The following CALCOCO1 variants were observed in gnomAD, a reference collection of about 807,000 sequenced individuals.
CALCOCO1 encodes the protein calcium binding and coiled-coil domain 1.
Under a neutral mutation model 86.3 loss-of-function variants are expected in CALCOCO1, and 44 were observed. The ratio of observed to expected loss-of-function variants is 0.51; its 90% CI spans 0.40 to 0.66. The LOEUF is 0.66. Ranked by LOEUF, CALCOCO1 falls within the 30% of genes least tolerant of loss-of-function variation. CALCOCO1 has a pLI of 0.00. For missense variants in CALCOCO1, 708 were observed against 851.1 expected, an observed-to-expected ratio of 0.83 and a Z score of 2.09; for synonymous variants, 297 against 327.6, an observed-to-expected ratio of 0.91 and a Z score of 1.01.
intron 1 of CALCOCO1, 126 bp downstream of exon 1, chr12:53,727,278 G>A (rs1389782698): frequency 1.3e-5 from 2 of 152,216 alleles, no homozygotes; most frequent in African/African-American, 4.8e-5. Context: ...AGTACGGAAA[G>A]GGTTACAACC....
chr12:53,714,220 T>C lies in CALCOCO1; in HGVS notation c.1504A>G (p.Lys502Glu), dbSNP rs1302126143. ...ACCTTCTCCAGGCGGGCCTCTAGCTTTCTCATGTACTCTAGCAATTCCTGG... is the reference window on the plus strand; with the variant it reads ...ACCTTCTCCAGGCGGGCCTCTAGCTCTCTCATGTACTCTAGCAATTCCTGG... ...EKQELLEYMRKLEARLEKVAD... is the reference protein window; with the variant it reads ...EKQELLEYMRELEARLEKVAD... The change falls in exon 12 of 15, where the codon AAG (lysine) becomes GAG (glutamate). Residue 502 changes from lysine (K) to glutamate (E), a missense_variant. Coordinates refer to ENST00000550804, the MANE Select transcript of CALCOCO1 (RefSeq NM_020898.3). 6.2e-7 allele frequency: 1 copy of C among 1,613,424 alleles called. No individual in the cohort carries two copies. Among genetic ancestry groups the C allele is most frequent in the African/African-American group, 1.3e-5 (1 of 74,870 alleles).
intron 13 of CALCOCO1, 31 bp from the exon 14 acceptor site, chr12:53,713,237 G>C (rs1040229688): frequency 1.3e-6 from 2 of 1,589,744 alleles, no homozygotes; most frequent in Admixed American, 3.3e-5. Context: ...GTTGGGCTTT[G>C]GGGTGGTGTC....
Position 53,712,097 on chromosome 12 carries a change from T to C in CALCOCO1, c.1923A>G (p.Ser641=). 1 of 1,607,424 alleles carries C rather than the reference T, an allele frequency of 6.2e-7. No individual in the cohort carries two copies. The highest frequency in any genetic ancestry group is 2.2e-5 in the East Asian group (1 of 44,744). ...TGGCAGGGCCCCCAGTGCTGGTTTC[T>C]GACAGGGTACCCACTGTAAAGCCAC... The part of the protein sequence containing the change: ...MASGFTVGTL[S]ETSTGGPATP... The change falls in exon 15 of 15, where the codon TCA becomes TCG. Residue 641 remains serine (S), a synonymous_variant. Coordinates refer to ENST00000550804, the MANE Select transcript of CALCOCO1 (RefSeq NM_020898.3).
intron 4 of CALCOCO1, 111 bp downstream of exon 4, chr12:53,723,482 G>T (rs930671507): frequency 8.2e-6 from 9 of 1,097,360 alleles, no homozygotes; most frequent in Non-Finnish European, 1.1e-5. Context: ...AACTTTCAAC[G>T]AGGTCTTTAG....
intron 6 of CALCOCO1, among the ~76,000 whole-genome samples, chr12:53,720,677 GT>G (rs1215502840): frequency 3.3e-5 from 5 of 152,162 alleles, no homozygotes; most frequent in Non-Finnish European, 5.9e-5. Context: ...CTTTTAAACA[GT>G]TTTTTAAAAT....
intron 4 of CALCOCO1, 168 bp downstream of exon 4, chr12:53,723,425 G>T (rs1945933523): frequency 1.5e-6 from 1 of 664,214 alleles, no homozygotes; most frequent in African/African-American, 1.8e-5. Flanking sequence ...ACATGTTCGT[G>T]TATGTCTATG....
chr12:53,724,282 G>A, intron 3 of CALCOCO1: 1 of 376,538 alleles, frequency 2.7e-6, no homozygotes, highest in South Asian at 2.0e-5. Flanking sequence ...GGGAGGTTAT[G>A]TAATTTGCCC....
intron 4 of CALCOCO1, chr12:53,722,943 C>CAAAAAAAAAAAAAAAAA (rs58897806): frequency 5.5e-4 from 106 of 194,412 alleles, no homozygotes; most frequent in East Asian, 1.7e-3. Context: ...AAGGCTGTCT[C>CAAAAAAAAAAAAAAAAA]AAAAAAAAAA....
rs771742993 is a variant in CALCOCO1, at chr12:53,712,787, G to A, written c.1898+313C>T. On this transcript the variant is annotated intron_variant, in intron 14 of 14. Coordinates refer to ENST00000550804, the MANE Select transcript of CALCOCO1 (RefSeq NM_020898.3). ...CCTAGGTACCTACCTGGTGGTTGGG[G>A]AAGGGGTAGAGGCAGGAGAGAGGGG... 4.4e-6 allele frequency: 6 copies of A among 1,357,784 alleles called. No individual in the cohort carries two copies. The East Asian group carries it at 2.0e-4, about 46-fold the overall frequency. The allele number at this position is 1,357,784 out of a possible 1,614,324, so 84.1% of individuals were successfully genotyped here.
chr12:53,721,029 G>A (rs917895000), intron 6 of CALCOCO1, among the ~76,000 whole-genome samples: 2 of 152,196 alleles, frequency 1.3e-5, no homozygotes, highest in South Asian at 4.1e-4. Flanking sequence ...AAGAGTTTAT[G>A]ATTTGCATCT....
Position 53,718,899 on chromosome 12 carries a change from G to A in CALCOCO1, c.849+840C>T, listed in dbSNP as rs1945798542. ...GTCTCACTCTGTTGCCCAGGCTGGA[G>A]AGCCGTAGTGTGATCTAGGCTCACT... On this transcript the variant is annotated intron_variant, in intron 7 of 14. Transcript: ENST00000550804. Among the ~76,000 whole-genome samples, 4 of 143,132 alleles carry A rather than the reference G, an allele frequency of 2.8e-5. No homozygotes were observed. In the South Asian group the frequency reaches 9.0e-4, roughly 32 times the overall value. The allele number at this position is 143,132 out of a possible 152,430, so 93.9% of individuals were successfully genotyped here. A position where few individuals can be genotyped will look rare whatever the true frequency, so the allele number is the denominator to read the frequency against.
rs763807375 is a variant in CALCOCO1 at position 53,714,181 on chromosome 12, A to T, written c.1543T>A (p.Trp515Arg). 6.2e-7 allele frequency: 1 copy of T among 1,613,598 alleles called. No homozygotes were observed. Among genetic ancestry groups the T allele is most frequent in the Non-Finnish European group, 8.5e-7 (1 of 1,179,936 alleles). ...ARLEKVADEK[W>R]NEDATTEDEE... ...TCCTCTGTGGTGGCATCCTCATTCC[A>T]CTTCTCATCTGCCACCTTCTCCAGG... The change falls in exon 12 of 15, where the codon TGG becomes AGG. Residue 515 changes from tryptophan (W) to arginine (R), a missense_variant. By Grantham distance (101) the Trp-to-Arg change is moderately radical (BLOSUM62 -3). Coordinates refer to ENST00000550804, the MANE Select transcript of CALCOCO1 (RefSeq NM_020898.3).
Position 53,722,079 on chromosome 12 carries a change from C to G in CALCOCO1, c.555G>C (p.Glu185Asp). 6.2e-7 allele frequency: 1 copy of G among 1,613,934 alleles called. No homozygotes were observed. Among genetic ancestry groups the G allele is most frequent in the African/African-American group, 1.3e-5 (1 of 75,068 alleles). Residue 185 changes from glutamate (E) to aspartate (D), a missense_variant, in exon 5 of 15, where the codon GAG becomes GAC. By Grantham distance (45) the Glu-to-Asp change is conservative (BLOSUM62 2). Transcript: ENST00000550804. ...CCTGCCTGGCAGTTGCCAGAGCCCT[C>G]TCGAGCTCCTGCACTCGGCTCCTCA... ...TELRSRVQELERALATARQEH... is the reference protein window; with the variant it reads ...TELRSRVQELDRALATARQEH...
intron 7 of CALCOCO1, among the ~76,000 whole-genome samples, chr12:53,716,754 C>T (rs1945738192): frequency 6.6e-6 from 1 of 152,198 alleles, no homozygotes; most frequent in East Asian, 1.9e-4. Context: ...CCTCTCACCC[C>T]ATCCCAGTCT....
chr12:53,721,916 A>G, intron 5 of CALCOCO1, 109 bp downstream of exon 5: 1 of 1,280,718 alleles, frequency 7.8e-7, no homozygotes, highest in Non-Finnish European at 1.1e-6. Context: ...TGATGCCAGA[A>G]CCATTGTAAA....
At chr12:53,719,380 G>C (rs1225294185) in intron 7 of CALCOCO1, among the ~76,000 whole-genome samples, 2 of 152,084 alleles carry the variant, frequency 1.3e-5, no homozygotes, top group East Asian at 3.9e-4. Flanking sequence ...ACAAAAGTTA[G>C]CTGGGCATGG....
rs1945514549 is a variant in CALCOCO1 at position 53,709,691 on chromosome 12, A to C, written c.*2253T>G. 6.6e-6 allele frequency: 1 copy of C among 152,442 alleles called. No individual in the cohort carries two copies. Among genetic ancestry groups the C allele is most frequent in the African/African-American group, 2.4e-5 (1 of 41,454 alleles). 9.4% of individuals were successfully genotyped at this position (152,442 alleles called of 1,614,324 possible). On this transcript the variant is annotated 3_prime_UTR_variant, in exon 15 of 15. Transcript: ENST00000550804. ...TCCTCTTAAGTGCTTTTAGTCTGAC[A>C]GTGTCTGTATCAGTGGCCTTGTGCA...
intron 3 of CALCOCO1, chr12:53,724,146 T>C: frequency 2.4e-6 from 1 of 424,586 alleles, no homozygotes; most frequent in Non-Finnish European, 4.6e-6. Context: ...TTCTCCTGCC[T>C]CAGCCTTGTG....
chr12:53,723,597 A>G lies in CALCOCO1; in HGVS notation c.446T>C (p.Leu149Ser). 1 of 1,614,142 alleles carries G rather than the reference A, an allele frequency of 6.2e-7. No homozygotes were observed. The highest frequency in any genetic ancestry group is 8.5e-7 in the Non-Finnish European group (1 of 1,180,010). Reference sequence around the variant, plus strand: ...ACTCTGTTGCTCTTTTCTCACCTGTAACACAGTTGCCTTGGGGACAACCAG... The same window carrying G: ...ACTCTGTTGCTCTTTTCTCACCTGTGACACAGTTGCCTTGGGGACAACCAG... Reference protein sequence around the residue: ...ILLVVPKATVLQNQLDESQQE... With the variant: ...ILLVVPKATVSQNQLDESQQE... Residue 149 changes from leucine (L) to serine (S), a missense_variant, in exon 4 of 15, where the codon TTA (leucine) becomes TCA (serine). Transcript: ENST00000550804.
Sources: gnomAD v4.1 joint callset for allele counts (sites outside exome capture counted in the v4.1 genomes callset) on GRCh38, gnomAD v4.1.1 for gene constraint, MANE v1.5 for transcripts, NCBI Gene and HGNC (gene_info 2026-07-23, HGNC 2026-07-21) for gene names.